The following PCDHGA11 variants were observed in gnomAD, a reference collection of about 807,000 sequenced individuals.
PCDHGA11 encodes the protein protocadherin gamma-A11.
PCDHGA11 carries 39 observed loss-of-function variants against 60.4 expected under a neutral mutation model. The observed-to-expected ratio is 0.65, with a 90% confidence interval of 0.50 to 0.84. The LOEUF is 0.84. Among genes scored for constraint, PCDHGA11 ranks in the 40% least tolerant of loss-of-function variants. PCDHGA11 has a pLI of 0.00. For synonymous variants in PCDHGA11, 533 were observed against 510.3 expected, an observed-to-expected ratio of 1.04 and a Z score of -0.60; for missense variants, 1,165 against 1,197.7, an observed-to-expected ratio of 0.97 and a Z score of 0.40.
chr5:141,473,382 C>T (rs780229708), intron 1 of PCDHGA11, among the ~76,000 whole-genome samples: 3 of 152,190 alleles, frequency 2.0e-5, no homozygotes, highest in Non-Finnish European at 4.4e-5. Context: ...TGGTCCCTGC[C>T]CTCCTGGAGC....
At chr5:141,481,524 A>G (rs186970700) in intron 1 of PCDHGA11, among the ~76,000 whole-genome samples, 4 of 152,240 alleles carry the variant, frequency 2.6e-5, no homozygotes, top group African/African-American at 9.6e-5. Flanking sequence ...CTCAGTAAAA[A>G]TCTAGAGATG....
chr5:141,435,733 T>C (rs950139563), intron 1 of PCDHGA11, among the ~76,000 whole-genome samples: 12 of 152,208 alleles, frequency 7.9e-5, no homozygotes, highest in African/African-American at 2.7e-4. Context: ...AGTGTATTAC[T>C]CTTTGAAAAG....
chr5:141,481,053 A>T (rs2099530801), intron 1 of PCDHGA11, among the ~76,000 whole-genome samples: 1 of 152,104 alleles, frequency 6.6e-6, no homozygotes, highest in Non-Finnish European at 1.5e-5. Flanking sequence ...GCGAGACTCC[A>T]CCTCAAAAAC....
chr5:141,445,389 C>T (rs1484183450), intron 1 of PCDHGA11, among the ~76,000 whole-genome samples: 1 of 152,174 alleles, frequency 6.6e-6, no homozygotes, highest in Non-Finnish European at 1.5e-5. Flanking sequence ...CATTCATTTA[C>T]ATAACAAATA....
chr5:141,505,246 G>GAAGT, intron 2 of PCDHGA11, 147 bp from the exon 3 acceptor site: 3 of 1,436,674 alleles, frequency 2.1e-6, no homozygotes, highest in Non-Finnish European at 2.8e-6. Context: ...AAGGATTGTA[G>GAAGT]AAGTGCCTCC....
intron 1 of PCDHGA11, among the ~76,000 whole-genome samples, chr5:141,460,992 T>C (rs2099006034): frequency 6.6e-6 from 1 of 151,316 alleles, no homozygotes; most frequent in South Asian, 2.1e-4. Context: ...TGTATATATA[T>C]ATATGTGTAT....
At chr5:141,503,284 G>C (rs899456087) in intron 2 of PCDHGA11, among the ~76,000 whole-genome samples, 2 of 152,044 alleles carry the variant, frequency 1.3e-5, no homozygotes, top group African/African-American at 4.8e-5. Flanking sequence ...TCTGTGTCTG[G>C]TACATAGAAA....
In PCDHGA11 at chr5:141,423,261, C is replaced by T. The variant is rs1181343306; in HGVS notation, c.2034C>T (p.Ser678=). 1 of 1,613,870 alleles carries T rather than the reference C, an allele frequency of 6.2e-7. No individual in the cohort carries two copies. The highest frequency in any genetic ancestry group is 8.5e-7 in the Non-Finnish European group (1 of 1,180,000). ...CCGAAGTCCTGGCGGACCTCGGCAG[C>T]CTCGAGTCTCTGGCTAACTCTGAAA... The part of the protein sequence containing the change: ...SIPEVLADLG[S]LESLANSETS... Residue 678 remains serine (S), a synonymous_variant, in exon 1 of 4, where the codon AGC becomes AGT. Coordinates refer to ENST00000398587, the MANE Select transcript of PCDHGA11 (RefSeq NM_018914.3).
rs958652662 is a variant in PCDHGA11, at chr5:141,494,839, T to C, written c.2466T>C (p.Ser822=). 6.2e-7 allele frequency: 1 copy of C among 1,614,106 alleles called. No individual in the cohort carries two copies. Among genetic ancestry groups the C allele is most frequent in the Non-Finnish European group, 8.5e-7 (1 of 1,180,016 alleles). ...QAPPNTDWRF[S]QAQRPGTSGS... ...CGCCCAACACGGACTGGCGTTTCTC[T>C]CAGGCCCAGAGACCCGGCACCAGCG... The change falls in exon 2 of 4, where the codon TCT becomes TCC. Residue 822 remains serine (S), a synonymous_variant. Coordinates refer to ENST00000398587, the MANE Select transcript of PCDHGA11 (RefSeq NM_018914.3).
chr5:141,422,626 C>A lies in PCDHGA11; in HGVS notation c.1399C>A (p.Pro467Thr). 1.2e-6 allele frequency: 2 copies of A among 1,613,334 alleles called. No individual in the cohort carries two copies. The highest frequency in any genetic ancestry group is 1.7e-6 in the Non-Finnish European group (2 of 1,179,586). ...SYSAYIPENNPRGASIFSVTA... is the reference protein window; with the variant it reads ...SYSAYIPENNTRGASIFSVTA... ...CTCTGCCTACATTCCCGAAAACAAC[C>A]CCAGGGGTGCCTCCATCTTCTCAGT... Residue 467 changes from proline (P) to threonine (T), a missense_variant, in exon 1 of 4, where the codon CCC (proline) becomes ACC (threonine). Coordinates refer to ENST00000398587, the MANE Select transcript of PCDHGA11 (RefSeq NM_018914.3).
At chr5:141,505,106 G>A (rs934779049) in intron 2 of PCDHGA11, among the ~76,000 whole-genome samples, 1 of 152,188 alleles carries the variant, frequency 6.6e-6, no homozygotes, top group Non-Finnish European at 1.5e-5. Context: ...ATGTTGCAAT[G>A]AGCCAAGATC....
At chr5:141,494,326 G>C (rs2154591458) in intron 1 of PCDHGA11, among the ~76,000 whole-genome samples, 1 of 152,312 alleles carries the variant, frequency 6.6e-6, no homozygotes, top group Middle Eastern at 3.4e-3. Context: ...GGCACCAAAA[G>C]GGTTACCAAG....
chr5:141,491,795 C>G lies in PCDHGA11; in HGVS notation c.2434-3012C>G. The G allele has an allele frequency of 6.6e-7, 1 of 1,511,694 alleles. No individual in the cohort carries two copies. The highest frequency in any genetic ancestry group is 8.8e-7 in the Non-Finnish European group (1 of 1,130,430). The allele number at this position is 1,511,694 out of a possible 1,614,324, so 93.6% of individuals were successfully genotyped here. On this transcript the variant is annotated intron_variant, in intron 1 of 3. Transcript: ENST00000398587. The surrounding 1 kb of genome is among the most constrained non-coding windows in gnomAD (Gnocchi z 6.9). ...GGATTGAACTTGCATCCACTCCTCT[C>G]CGGCCGGCTTGGTCGCTGGCTGCGC...
chr5:141,477,752 G>C lies in PCDHGA11; in HGVS notation c.2434-17055G>C. On this transcript the variant is annotated intron_variant, in intron 1 of 3. Coordinates refer to ENST00000398587, the MANE Select transcript of PCDHGA11 (RefSeq NM_018914.3). This position sits in a 1 kb window ranked among gnomAD's most constrained non-coding sequence, Gnocchi z 4.9. ...TCATATCAGCGATGGGGGCACCCCG[G>C]TCCTAGCCACCAACATCAGCGTGAA... The C allele has an allele frequency of 6.2e-7, 1 of 1,613,868 alleles. No homozygotes were observed.
Position 141,421,828 on chromosome 5 carries a change from C to T in PCDHGA11, c.601C>T (p.Leu201=). The T allele has an allele frequency of 6.2e-7, 1 of 1,613,796 alleles. No individual in the cohort carries two copies. The highest frequency in any genetic ancestry group is 8.5e-7 in the Non-Finnish European group (1 of 1,179,890). The part of the protein sequence containing the change: ...KNPELVLEGS[L]DREKEAAHLL... ...TCCAGAGCTAGTACTGGAGGGAAGC[C>T]TGGACCGAGAGAAAGAGGCTGCTCA... The change falls in exon 1 of 4, where the codon CTG becomes TTG. Residue 201 remains leucine, a synonymous_variant. Transcript: ENST00000398587.
At position 141,486,923 on chromosome 5, in the gene PCDHGA11, G is replaced by A. The variant is rs1377159895; in HGVS notation, c.2434-7884G>A. ...ATGTCCCCAAGCACTGCCTCCATCAGTTGGTGCTGGCCACCTAATCACAAA... is the reference window on the plus strand; with the variant it reads ...ATGTCCCCAAGCACTGCCTCCATCAATTGGTGCTGGCCACCTAATCACAAA... On this transcript the variant is annotated intron_variant, in intron 1 of 3. Transcript: ENST00000398587. This position sits in a 1 kb window ranked among gnomAD's most constrained non-coding sequence, Gnocchi z 5.0. 6.2e-7 allele frequency: 1 copy of A among 1,614,252 alleles called. No individual in the cohort carries two copies. Among genetic ancestry groups the A allele is most frequent in the Admixed American group, 1.7e-5 (1 of 60,028 alleles).
At position 141,421,906 on chromosome 5, in the gene PCDHGA11, G is replaced by C; in HGVS notation, c.679G>C (p.Val227Leu). ...DGGDPIRKGA[V>L]PIRVVVLDVN... ...AGGCGATCCCATCCGAAAGGGCGCA[G>C]TTCCCATTCGTGTGGTGGTCCTCGA... Residue 227 changes from valine to leucine, a missense_variant, in exon 1 of 4, where the codon GTT becomes CTT. Transcript: ENST00000398587. 1 of 1,613,770 alleles carries C rather than the reference G, an allele frequency of 6.2e-7. No homozygotes were observed. Among genetic ancestry groups the C allele is most frequent in the Non-Finnish European group, 8.5e-7 (1 of 1,179,892 alleles).
chr5:141,440,330 G>A (rs1377511406), intron 1 of PCDHGA11: 1 of 152,162 alleles, frequency 6.6e-6, no homozygotes, highest in Non-Finnish European at 1.5e-5. Context: ...ACTGGGCATG[G>A]TGGTGCAGGC....
intron 1 of PCDHGA11, 29 bp downstream of exon 1, chr5:141,423,689 G>T: frequency 7.1e-7 from 1 of 1,400,130 alleles, no homozygotes; most frequent in Non-Finnish European, 9.4e-7. Context: ...CCTCCTAATT[G>T]TTGGTGTCTT....
Sources: allele counts gnomAD v4.1 joint callset (sites outside exome capture counted in the v4.1 genomes callset), GRCh38; gene constraint gnomAD v4.1.1; non-coding constraint Gnocchi (gnomAD v3.1); transcripts MANE v1.5; gene names NCBI Gene and HGNC (gene_info 2026-07-23, HGNC 2026-07-21).